POLR3E: variants seen among roughly 807,000 people sequenced by gnomAD.
The protein encoded by POLR3E is DNA-directed RNA polymerase III subunit RPC5.
A neutral mutation model predicts 96.6 loss-of-function variants in POLR3E; 41 were observed. The ratio of observed to expected loss-of-function variants is 0.42; its 90% CI spans 0.33 to 0.55. The LOEUF (loss-of-function observed/expected upper bound fraction) is 0.55. POLR3E is among the 20% of genes least tolerant of loss of function. The probability of loss-of-function intolerance (pLI) is 0.06; values close to 1 mark genes in which losing one functional copy is unlikely to be tolerated. For missense variants in POLR3E, 849 were observed against 952.1 expected, an observed-to-expected ratio of 0.89 and a Z score of 1.43; for synonymous variants, 396 against 383.6, an observed-to-expected ratio of 1.03 and a Z score of -0.38.
At position 22,313,553 on chromosome 16, in the gene POLR3E, G is replaced by T; in HGVS notation, c.365-67G>T. On this transcript the variant is annotated intron_variant, in intron 6 of 20. Transcript: ENST00000299853. This position sits in a 1 kb window ranked among gnomAD's most constrained non-coding sequence, Gnocchi z 4.1. The stretch of plus-strand genomic sequence containing the variant: ...GTGGGCCTAGGCCTTCACGGGACTT[G>T]GTGACTCTCTTGAGCCAAACTGGGT... 3 of 993,076 alleles carry T rather than the reference G, an allele frequency of 3.0e-6. No individual in the cohort carries two copies. Among genetic ancestry groups the T allele is most frequent in the Non-Finnish European group, 4.8e-6 (3 of 622,772 alleles). The allele number at this position is 993,076 out of a possible 1,614,324, so 61.5% of individuals were successfully genotyped here.
At chr16:22,330,987 CCTTTTT>C (rs2048726061) in intron 19 of POLR3E, among the ~76,000 whole-genome samples, 1 of 59,460 alleles carries the variant, frequency 1.7e-5, no homozygotes, top group African/African-American at 3.8e-5. Context: ...CATGAAGCAT[CCTTTTT>C]TTTTTTTTTT....
intron 12 of POLR3E, 41 bp downstream of exon 12, chr16:22,317,247 A>C: frequency 6.9e-7 from 1 of 1,440,098 alleles, no homozygotes; most frequent in Non-Finnish European, 9.7e-7. Flanking sequence ...CCCCAGTCCC[A>C]GTGGCTCCTG....
At chr16:22,306,395 A>G (rs1334312928) in intron 3 of POLR3E, among the ~76,000 whole-genome samples, 1 of 152,100 alleles carries the variant, frequency 6.6e-6, no homozygotes, top group East Asian at 1.9e-4. Flanking sequence ...AGTTGGGACT[A>G]CAGGCACGCG....
rs761729423 is a variant in POLR3E, at chr16:22,313,732, G to GC, written c.472+8dup. 1.5e-5 allele frequency: 24 copies of GC among 1,596,598 alleles called. No homozygotes were observed. The highest frequency in any genetic ancestry group is 2.0e-5 in the Non-Finnish European group (23 of 1,166,926). ...AGAGGGAGGCGGCCAACGAGGGTGA[G>GC]CCCGGGATCCCCAGCCCTGCTGCCT... On this transcript the variant is annotated splice_donor_region_variant and intron_variant, in intron 7 of 20. Transcript: ENST00000299853. This position sits in a 1 kb window ranked among gnomAD's most constrained non-coding sequence, Gnocchi z 4.1.
intron 18 of POLR3E, 73 bp downstream of exon 18, chr16:22,326,351 G>T (rs1328548971): frequency 2.5e-5 from 31 of 1,235,702 alleles, no homozygotes; most frequent in Non-Finnish European, 3.2e-5. Flanking sequence ...GAGGCCACGT[G>T]GGGACACGGG....
intron 20 of POLR3E, among the ~76,000 whole-genome samples, chr16:22,333,168 A>G (rs2048778542): frequency 1.4e-5 from 2 of 148,048 alleles, no homozygotes; most frequent in South Asian, 4.5e-4. Context: ...GCCCCTGAGG[A>G]ATGGCCAGGC....
intron 6 of POLR3E, among the ~76,000 whole-genome samples, chr16:22,310,916 T>C (rs188319508): frequency 9.2e-5 from 14 of 152,286 alleles, no homozygotes; most frequent in Admixed American, 5.9e-4. Context: ...AGCAAGACTC[T>C]GTCTTGAAAA....
At chr16:22,330,560 T>C (rs1406976881) in intron 19 of POLR3E, among the ~76,000 whole-genome samples, 2 of 152,206 alleles carry the variant, frequency 1.3e-5, no homozygotes, top group African/African-American at 2.4e-5. Context: ...GGTGATACTT[T>C]GCTTAATTAA....
chr16:22,300,062 A>C (rs2047991587), intron 1 of POLR3E, among the ~76,000 whole-genome samples: 1 of 152,134 alleles, frequency 6.6e-6, no homozygotes, highest in Non-Finnish European at 1.5e-5. Flanking sequence ...ACTTGGAGGT[A>C]GGTATAAGGA....
chr16:22,301,184 A>T (rs1309010311), intron 1 of POLR3E, among the ~76,000 whole-genome samples: 2 of 152,162 alleles, frequency 1.3e-5, no homozygotes, highest in African/African-American at 4.8e-5. Flanking sequence ...ACAAAGCCCC[A>T]GAAGTGGGTT....
At chr16:22,305,405 A>G (rs1206864736) in intron 3 of POLR3E, 199 bp downstream of exon 3, 1 of 698,608 alleles carries the variant, frequency 1.4e-6, no homozygotes, top group East Asian at 2.7e-5. Context: ...AACACAGGAG[A>G]GGCAGAAGTG....
chr16:22,330,058 G>GTTT (rs201506303), intron 19 of POLR3E, among the ~76,000 whole-genome samples: 8 of 142,724 alleles, frequency 5.6e-5, no homozygotes, highest in Non-Finnish European at 3.1e-5. Context: ...TGTTACGCCA[G>GTTT]TTTTTTTTTT....
chr16:22,301,334 C>CACTTTGG (rs2048015459), intron 1 of POLR3E, among the ~76,000 whole-genome samples: 1 of 152,124 alleles, frequency 6.6e-6, no homozygotes, highest in African/African-American at 2.4e-5. Flanking sequence ...GTAATCCCAG[C>CACTTTGG]ACTTTGGGAG....
chr16:22,334,070 C>T lies in POLR3E; in HGVS notation c.*370C>T, dbSNP rs2141832706. 5.2e-6 allele frequency: 1 copy of T among 192,598 alleles called. No homozygotes were observed. Among genetic ancestry groups the T allele is most frequent in the South Asian group, 1.9e-4 (1 of 5,330 alleles). The allele number at this position is 192,598 out of a possible 1,614,324, so 11.9% of individuals were successfully genotyped here. ...TTTGTAAACTTAATGCCAACAAGGT[C>T]TAAGTTATGTTTACAACATGAAGAA... is the stretch of plus-strand genomic sequence containing the variant. On this transcript the variant is annotated 3_prime_UTR_variant, in exon 21 of 21. Transcript: ENST00000299853.
chr16:22,311,122 C>T (rs1167338525), intron 6 of POLR3E, among the ~76,000 whole-genome samples: 1 of 152,126 alleles, frequency 6.6e-6, no homozygotes, highest in African/African-American at 2.4e-5. Flanking sequence ...CACACACCAC[C>T]ATGCCCAGCT....
At chr16:22,308,540 G>C (rs559778736) in intron 4 of POLR3E, 6 of 473,058 alleles carry the variant, frequency 1.3e-5, no homozygotes, top group Admixed American at 3.4e-5. Context: ...TATCCATGGA[G>C]GGTCTGCAGC....
chr16:22,328,912 G>T (rs1200680038), intron 19 of POLR3E: 10 of 314,322 alleles, frequency 3.2e-5, no homozygotes, highest in Admixed American at 2.5e-4. Context: ...GATCACCTGA[G>T]GTTGGGAGTT....
At chr16:22,319,262 C>T (rs1213914953) in intron 13 of POLR3E, among the ~76,000 whole-genome samples, 2 of 151,760 alleles carry the variant, frequency 1.3e-5, no homozygotes, top group South Asian at 2.1e-4. Flanking sequence ...CGTGAGCCAC[C>T]GGGCCCGGCC....
rs773280873 is a variant in POLR3E, at chr16:22,332,062, T to C, written c.1947T>C (p.His649=). 6.2e-7 allele frequency: 1 copy of C among 1,613,670 alleles called. No homozygotes were observed. Among genetic ancestry groups the C allele is most frequent in the Non-Finnish European group, 8.5e-7 (1 of 1,179,762 alleles). ...ATAACGTGTTTTTGCTACTAAAGCATCGACAGGTTTTGCTTGAAATTTTTT... is the reference window on the plus strand; with the variant it reads ...ATAACGTGTTTTTGCTACTAAAGCACCGACAGGTTTTGCTTGAAATTTTTT... ...LWESGDMSDQ[H]RQVLLEIFSK... The change falls in exon 20 of 21, where the codon CAT becomes CAC. Residue 649 remains histidine (H), a splice_region_variant and synonymous_variant. Coordinates refer to ENST00000299853, the MANE Select transcript of POLR3E (RefSeq NM_018119.4).
Sources: gnomAD v4.1 joint callset for allele counts (sites outside exome capture counted in the v4.1 genomes callset) on GRCh38, gnomAD v4.1.1 for gene constraint, Gnocchi (gnomAD v3.1) non-coding constraint, MANE v1.5 for transcripts, NCBI Gene and HGNC (gene_info 2026-07-23, HGNC 2026-07-21) for gene names.